Variants in ADGRB3 observed in about 807,000 individuals in gnomAD.
ADGRB3 encodes the protein adhesion G protein-coupled receptor B3.
A neutral mutation model predicts 193.4 loss-of-function variants in ADGRB3; 37 were observed. That is an observed-to-expected ratio of 0.19 (90% CI 0.15 to 0.25). The LOEUF (loss-of-function observed/expected upper bound fraction) is 0.25, where lower values mean the gene tolerates loss of function less well. Ranked by LOEUF, ADGRB3 falls within the 10% of genes least tolerant of loss-of-function variation. ADGRB3 has a pLI of 1.00. For missense variants in ADGRB3, 1,637 were observed against 1,852.9 expected, an observed-to-expected ratio of 0.88 and a Z score of 2.14; for synonymous variants, 690 against 644.2, an observed-to-expected ratio of 1.07 and a Z score of -1.08.
chr6:68,961,716 T>C (rs1453242368), intron 8 of ADGRB3, among the ~76,000 whole-genome samples: 1 of 152,092 alleles, frequency 6.6e-6, no homozygotes, highest in Non-Finnish European at 1.5e-5. Flanking sequence ...AAAGAGAAAA[T>C]ACACTACTCC....
At chr6:68,993,707 G>A (rs1769303934) in intron 10 of ADGRB3, 61 bp from the exon 11 acceptor site, 1 of 1,491,426 alleles carries the variant, frequency 6.7e-7, no homozygotes, top group Admixed American at 2.0e-5. Flanking sequence ...GTTTGATGAA[G>A]TTATTCAGAT....
At chr6:69,228,630 T>C (rs1766070343) in intron 17 of ADGRB3, among the ~76,000 whole-genome samples, 1 of 152,228 alleles carries the variant, frequency 6.6e-6, no homozygotes, top group South Asian at 2.1e-4. Flanking sequence ...GATGGGAAAG[T>C]ACCTGCTTCT....
At chr6:69,376,656 A>G (rs1769830386) in intron 30 of ADGRB3, among the ~76,000 whole-genome samples, 1 of 152,060 alleles carries the variant, frequency 6.6e-6, no homozygotes, top group Admixed American at 6.6e-5. Flanking sequence ...ATTGTGACAT[A>G]GAAATCAAAG....
At chr6:68,768,430 A>C (rs1208850008) in intron 3 of ADGRB3, among the ~76,000 whole-genome samples, 2 of 152,062 alleles carry the variant, frequency 1.3e-5, no homozygotes, top group Non-Finnish European at 2.9e-5. Flanking sequence ...ACAAAAACAA[A>C]CAATGGGGGA....
chr6:68,986,851 C>CT (rs1310797077), intron 10 of ADGRB3, among the ~76,000 whole-genome samples: 2 of 151,908 alleles, frequency 1.3e-5, no homozygotes, highest in East Asian at 1.9e-4. Context: ...TATGATAAAC[C>CT]TTTTTTTAAT....
chr6:68,958,620 C>T (rs1344091171), intron 8 of ADGRB3, among the ~76,000 whole-genome samples: 4 of 151,760 alleles, frequency 2.6e-5, no homozygotes, highest in African/African-American at 4.8e-5. Flanking sequence ...CCTTATTTGC[C>T]GGGCTTGTTT....
At chr6:68,739,057 A>C (rs779597635) in intron 3 of ADGRB3, among the ~76,000 whole-genome samples, 23 of 152,210 alleles carry the variant, frequency 1.5e-4, no homozygotes, top group Non-Finnish European at 3.1e-4. Flanking sequence ...CAAATGTTTC[A>C]AATTCTGCTA....
intron 3 of ADGRB3, among the ~76,000 whole-genome samples, chr6:68,849,647 A>G (rs767222030): frequency 1.3e-5 from 2 of 151,952 alleles, no homozygotes; most frequent in Non-Finnish European, 2.9e-5. Flanking sequence ...TCAAACTCTC[A>G]TTTTTAGCAT....
intron 20 of ADGRB3, among the ~76,000 whole-genome samples, chr6:69,290,470 A>AGAGAGG (rs570707856): frequency 1.4e-3 from 219 of 152,056 alleles, no homozygotes; most frequent in African/African-American, 4.9e-3. Flanking sequence ...AGAGAGAGAG[A>AGAGAGG]GAAATAGAGA....
At chr6:68,815,723 C>A (rs564028361) in intron 3 of ADGRB3, among the ~76,000 whole-genome samples, 1 of 151,192 alleles carries the variant, frequency 6.6e-6, no homozygotes, top group South Asian at 2.1e-4. Flanking sequence ...AAATCATTGG[C>A]CTTCAATACA....
chr6:68,888,770 C>T (rs1044500754), intron 3 of ADGRB3, among the ~76,000 whole-genome samples: 1 of 152,060 alleles, frequency 6.6e-6, no homozygotes, highest in Non-Finnish European at 1.5e-5. Context: ...TAAGTATGGT[C>T]CTGGGGGACC....
At chr6:69,061,341 A>G (rs1050485024) in intron 15 of ADGRB3, among the ~76,000 whole-genome samples, 2 of 151,862 alleles carry the variant, frequency 1.3e-5, no homozygotes, top group Non-Finnish European at 2.9e-5. Context: ...TTTTTTTCTG[A>G]TGAAATCTTG....
At chr6:68,933,545 A>T (rs1361724630) in intron 4 of ADGRB3, among the ~76,000 whole-genome samples, 1 of 152,216 alleles carries the variant, frequency 6.6e-6, no homozygotes, top group Non-Finnish European at 1.5e-5. Flanking sequence ...GTGAGCCAAG[A>T]TCACACCATT....
chr6:69,295,606 G>A (rs760828353), intron 20 of ADGRB3, among the ~76,000 whole-genome samples: 2 of 152,128 alleles, frequency 1.3e-5, no homozygotes, highest in Non-Finnish European at 2.9e-5. Flanking sequence ...ACCCAATAGA[G>A]GAAGGAGAGA....
chr6:69,187,418 A>G (rs1003997625), intron 17 of ADGRB3, among the ~76,000 whole-genome samples: 5 of 152,180 alleles, frequency 3.3e-5, no homozygotes, highest in Admixed American at 6.6e-5. Flanking sequence ...GAACATCTGT[A>G]AAATGATGGT....
At chr6:68,695,223 A>C (rs1306859155) in intron 3 of ADGRB3, among the ~76,000 whole-genome samples, 1 of 152,060 alleles carries the variant, frequency 6.6e-6, no homozygotes, top group East Asian at 1.9e-4. Flanking sequence ...CAATATGATA[A>C]AGGTGAGGCT....
At chr6:68,651,670 C>G (rs1266628907) in intron 3 of ADGRB3, among the ~76,000 whole-genome samples, 1 of 152,048 alleles carries the variant, frequency 6.6e-6, no homozygotes, top group African/African-American at 2.4e-5. Context: ...ATTATCTCCC[C>G]TTAGCAGTGG....
intron 3 of ADGRB3, among the ~76,000 whole-genome samples, chr6:68,877,668 A>G (rs576632887): frequency 2.0e-5 from 3 of 152,244 alleles, no homozygotes; most frequent in South Asian, 4.1e-4. Flanking sequence ...AAACAAAGAC[A>G]TTATCTTTCT....
chr6:68,981,890 T>TTATA (rs1554232976), intron 10 of ADGRB3, among the ~76,000 whole-genome samples: 4 of 140,410 alleles, frequency 2.8e-5, no homozygotes, highest in Non-Finnish European at 6.4e-5. Context: ...ATTTATTTAT[T>TTATA]TATTTTAGAC....
Sources: gnomAD v4.1 joint callset for allele counts (sites outside exome capture counted in the v4.1 genomes callset) on GRCh38, gnomAD v4.1.1 for gene constraint, MANE v1.5 for transcripts, NCBI Gene and HGNC (gene_info 2026-07-23, HGNC 2026-07-21) for gene names.